The following TMEM63B variants were observed in gnomAD, a reference collection of about 807,000 sequenced individuals.
TMEM63B encodes transmembrane protein 63B.
In TMEM63B, 23 loss-of-function variants were observed where a neutral mutation model predicts 102.6. The ratio of observed to expected loss-of-function variants is 0.22; its 90% CI spans 0.16 to 0.32. TMEM63B has a LOEUF of 0.32. Ranked by LOEUF, TMEM63B falls within the 10% of genes least tolerant of loss-of-function variation. The pLI, the probability that TMEM63B is intolerant of heterozygous loss-of-function variation, is 1.00. For synonymous variants in TMEM63B, 444 were observed against 437.0 expected (o/e 1.02, Z -0.20); for missense variants, 628 against 1,095.9 (o/e 0.57, Z 6.03).
At chr6:44,145,991 GGGTCAGTCTTTGGCCAGGGTTACA>G (rs1246995135) in intron 10 of TMEM63B, among the ~76,000 whole-genome samples, 1 of 152,056 alleles carries the variant, frequency 6.6e-6, no homozygotes, top group Admixed American at 6.5e-5. Flanking sequence ...GTGGGCTTAA[GGGTCAGTCTTTGGCCAGGGTTACA>G]GGTCAGTCTC....
chr6:44,127,152 TCCCCTCCCCGTCGGGACC>T (rs200026840), upstream of TMEM63B: 20,267 of 108,806 alleles, frequency 0.19, 1,646 homozygotes, highest in Middle Eastern at 0.27. Context: ...GTAAGGGGCC[TCCCCTCCCCGTCGGGACC>T]CCCCTCCCCG....
In TMEM63B at chr6:44,148,206, G is replaced by C. The variant is rs2128256130; in HGVS notation, c.988-46G>C. 1 of 1,609,830 alleles carries C rather than the reference G, an allele frequency of 6.2e-7. No homozygotes were observed. Among genetic ancestry groups the C allele is most frequent in the Admixed American group, 1.7e-5 (1 of 59,798 alleles). ...CGTGGGCTGGATGCTGCAGGCCCCAGCCTGGCTTTCCAACTAGAGGCCCTG... is the reference window on the plus strand; with the variant it reads ...CGTGGGCTGGATGCTGCAGGCCCCACCCTGGCTTTCCAACTAGAGGCCCTG... On this transcript the variant is annotated intron_variant, in intron 12 of 23. Transcript: ENST00000323267. This position sits in a 1 kb window ranked among gnomAD's most constrained non-coding sequence, Gnocchi z 5.1.
rs768491314 is a variant in TMEM63B, at chr6:44,152,365, T to G, written c.1837-228T>G. On this transcript the variant is annotated intron_variant, in intron 19 of 23. Transcript: ENST00000323267. This position sits in a 1 kb window ranked among gnomAD's most constrained non-coding sequence, Gnocchi z 6.4. ...CCCCTACCTGCCAGGCCCCGACCCT[T>G]GAAGGCCCCTCTCCGTGCCCCATCA... Among the ~76,000 whole-genome samples the G allele has an allele frequency of 6.6e-6, 1 of 151,890 alleles. No individual in the cohort carries two copies.
chr6:44,151,499 T>C (rs1302546859), intron 18 of TMEM63B, among the ~76,000 whole-genome samples: 2 of 152,056 alleles, frequency 1.3e-5, no homozygotes, highest in Non-Finnish European at 2.9e-5. Flanking sequence ...AGTGGGGGAA[T>C]CTTCTGGGTG....
intron 10 of TMEM63B, among the ~76,000 whole-genome samples, chr6:44,144,893 C>T (rs1014123815): frequency 6.6e-6 from 1 of 152,020 alleles, no homozygotes. Flanking sequence ...CCACTGTGTT[C>T]AACCTAAAAA....
At chr6:44,133,478 T>C (rs963664444) in intron 1 of TMEM63B, among the ~76,000 whole-genome samples, 4 of 152,166 alleles carry the variant, frequency 2.6e-5, no homozygotes, top group African/African-American at 9.7e-5. Flanking sequence ...GCTTCAGTGT[T>C]GTCAGCAGAA....
intron 15 of TMEM63B, among the ~76,000 whole-genome samples, chr6:44,149,502 C>G (rs531837774): frequency 6.6e-6 from 1 of 152,180 alleles, no homozygotes; most frequent in African/African-American, 2.4e-5. Context: ...ATTCAAATCC[C>G]TACCTCATGG....
chr6:44,135,189 C>A, intron 3 of TMEM63B, 93 bp downstream of exon 3: 1 of 1,579,380 alleles, frequency 6.3e-7, no homozygotes, highest in Non-Finnish European at 8.7e-7. Context: ...CTCTCATTCC[C>A]CTTTGCTGGG....
chr6:44,135,307 C>T (rs1363449328), intron 3 of TMEM63B, 21 bp from the exon 4 acceptor site: 1 of 1,611,158 alleles, frequency 6.2e-7, no homozygotes, highest in African/African-American at 1.3e-5. Context: ...CCTGCTAACC[C>T]TGTCTGTTCT....
chr6:44,145,078 C>A (rs1765068595), intron 10 of TMEM63B, among the ~76,000 whole-genome samples: 3 of 151,696 alleles, frequency 2.0e-5, no homozygotes, highest in South Asian at 2.1e-4. Flanking sequence ...AGTTCAGGAC[C>A]AGCCTGGCCA....
Position 44,153,800 on chromosome 6 carries a change from C to T in TMEM63B, c.2067C>T (p.Ile689=), listed in dbSNP as rs1403413572. 1 of 1,614,010 alleles carries T rather than the reference C, an allele frequency of 6.2e-7. No homozygotes were observed. The highest frequency in any genetic ancestry group is 8.5e-7 in the Non-Finnish European group (1 of 1,180,020). The part of the protein sequence containing the change: ...GAVNQVVAAP[I]LCLFWLLFFS... ...TGAACCAGGTGGTGGCCGCGCCCAT[C>T]CTCTGCCTCTTCTGGCTGCTCTTCT... The change falls in exon 21 of 24, where the codon ATC becomes ATT. Residue 689 remains isoleucine (I), a synonymous_variant. Transcript: ENST00000323267.
intron 15 of TMEM63B, chr6:44,149,358 G>A (rs759532583): frequency 9.4e-6 from 3 of 320,322 alleles, no homozygotes; most frequent in African/African-American, 2.1e-5. Flanking sequence ...TGGCATGCAT[G>A]TCTGCCTGGC....
In TMEM63B at chr6:44,150,701, C is replaced by T; in HGVS notation, c.1673+72C>T. The stretch of plus-strand genomic sequence containing the variant: ...GGTATGCTTGAGAGACATTGCCAGC[C>T]CCATGGGAGGGTGCAACAAAGCTTC... On this transcript the variant is annotated intron_variant, in intron 18 of 23. Transcript: ENST00000323267. The surrounding 1 kb of genome is among the most constrained non-coding windows in gnomAD (Gnocchi z 4.7). 5 of 1,476,284 alleles carry T rather than the reference C, an allele frequency of 3.4e-6. No individual in the cohort carries two copies. In the South Asian group the frequency reaches 4.6e-5, roughly 14 times the overall value. 91.4% of individuals were successfully genotyped at this position (1,476,284 alleles called of 1,614,324 possible). A position where few individuals can be genotyped will look rare whatever the true frequency, so the allele number is the denominator to read the frequency against.
chr6:44,131,650 C>T (rs1316891486), intron 1 of TMEM63B, among the ~76,000 whole-genome samples: 1 of 152,048 alleles, frequency 6.6e-6, no homozygotes. Context: ...ACCCAGGAGG[C>T]AGAGGTTGCA....
Position 44,148,828 on chromosome 6 carries a change from G to T in TMEM63B, c.1296G>T (p.Leu432=), listed in dbSNP as rs746804906. The T allele has an allele frequency of 1.2e-6, 2 of 1,614,154 alleles. No homozygotes were observed. Among genetic ancestry groups the T allele is most frequent in the Non-Finnish European group, 8.5e-7 (1 of 1,180,036 alleles). Residue 432 remains leucine, a synonymous_variant, in exon 15 of 24, where the codon CTG becomes CTT. Transcript: ENST00000323267. The surrounding 1 kb of genome is among the most constrained non-coding windows in gnomAD (Gnocchi z 5.1). ...HLSIRGFIWW[L]RCLVINVVLF... Reference sequence around the variant, plus strand: ...CCATCCGAGGCTTCATCTGGTGGCTGCGCTGCCTGGTCATCAATGTCGTCC... The same window carrying T: ...CCATCCGAGGCTTCATCTGGTGGCTTCGCTGCCTGGTCATCAATGTCGTCC...
Position 44,154,750 on chromosome 6 carries a change from C to A in TMEM63B, c.2366C>A (p.Pro789His). 1 of 1,600,168 alleles carries A rather than the reference C, an allele frequency of 6.2e-7. No individual in the cohort carries two copies. The highest frequency in any genetic ancestry group is 1.3e-5 in the African/African-American group (1 of 74,408). ...GTGGACGGGGATGGGGATGGGGCTCCTGGGAGCTCAGGGGATGAGCCCCCA... is the reference window on the plus strand; with the variant it reads ...GTGGACGGGGATGGGGATGGGGCTCATGGGAGCTCAGGGGATGAGCCCCCA... ...SEVDGDGDGA[P>H]GSSGDEPPSS... Residue 789 changes from proline (P) to histidine (H), a missense_variant, in exon 24 of 24, where the codon CCT (proline) becomes CAT (histidine). By Grantham distance (77) the Pro-to-His change is moderately conservative. This residue lies in a region of TMEM63B where 129 missense variants were observed against 153.5 expected (regional missense o/e 0.84). Transcript: ENST00000323267.
chr6:44,147,620 C>T, intron 12 of TMEM63B, 120 bp downstream of exon 12: 1 of 1,404,666 alleles, frequency 7.1e-7, no homozygotes, highest in African/African-American at 1.4e-5. Context: ...CCTCAGTTCC[C>T]ACTGTTGGGT....
chr6:44,146,813 C>T (rs760041076), intron 10 of TMEM63B, 34 bp from the exon 11 acceptor site: 1 of 1,605,960 alleles, frequency 6.2e-7, no homozygotes, highest in Non-Finnish European at 8.5e-7. Flanking sequence ...TGGGTGGGGT[C>T]CCTGCACAAG....
intron 11 of TMEM63B, 144 bp downstream of exon 11, chr6:44,147,071 C>T: frequency 9.9e-7 from 1 of 1,006,270 alleles, no homozygotes; most frequent in Non-Finnish European, 1.5e-6. Context: ...CCTGTTAATT[C>T]AGCTCTGGAA....
Sources: allele counts gnomAD v4.1 joint callset (sites outside exome capture counted in the v4.1 genomes callset), GRCh38; gene constraint gnomAD v4.1.1; regional missense constraint gnomAD v4.1.1; non-coding constraint Gnocchi (gnomAD v3.1); transcripts MANE v1.5; gene names NCBI Gene and HGNC (gene_info 2026-07-23, HGNC 2026-07-21).